LARP4B: variants seen among roughly 807,000 people sequenced by gnomAD.
LARP4B encodes La ribonucleoprotein 4B.
Under a neutral mutation model 89.8 loss-of-function variants are expected in LARP4B, and 12 were observed. That is an observed-to-expected ratio of 0.13 (90% CI 0.09 to 0.22). The LOEUF (loss-of-function observed/expected upper bound fraction) is 0.22. Ranked by LOEUF, LARP4B falls within the 10% of genes least tolerant of loss-of-function variation. The pLI, the probability that LARP4B is intolerant of heterozygous loss-of-function variation, is 1.00. For synonymous variants in LARP4B, 367 were observed against 363.3 expected (o/e 1.01, Z -0.12); for missense variants, 757 against 947.7 (o/e 0.80, Z 2.64).
intron 1 of LARP4B, among the ~76,000 whole-genome samples, chr10:904,129 T>C (rs1352830069): frequency 6.6e-6 from 1 of 152,060 alleles, no homozygotes; most frequent in Non-Finnish European, 1.5e-5. Context: ...CTACGAAAAT[T>C]AAACACAATC....
intron 1 of LARP4B, among the ~76,000 whole-genome samples, chr10:916,543 A>G (rs1225146885): frequency 6.6e-6 from 1 of 152,142 alleles, no homozygotes; most frequent in African/African-American, 2.4e-5. Flanking sequence ...TAAAAATACA[A>G]AACTAGCCAG....
At chr10:919,143 T>A (rs761089912) in intron 1 of LARP4B, among the ~76,000 whole-genome samples, 3 of 152,224 alleles carry the variant, frequency 2.0e-5, no homozygotes, top group Non-Finnish European at 4.4e-5. Flanking sequence ...ATTATTCAAC[T>A]ATTAAATATT....
chr10:906,083 G>T (rs1476658969), intron 1 of LARP4B, among the ~76,000 whole-genome samples: 1 of 152,098 alleles, frequency 6.6e-6, no homozygotes, highest in Non-Finnish European at 1.5e-5. Flanking sequence ...CATTCACACG[G>T]GCCTTTTTCT....
At chr10:807,400 C>T (rs891291366), downstream of LARP4B, 3 of 152,288 alleles carry the variant, frequency 2.0e-5, no homozygotes, top group Non-Finnish European at 2.9e-5. Context: ...AAATCCTGGT[C>T]GTGAATGAAA....
At chr10:972,529 C>T in the LARP4B span, 1 of 457,120 alleles carries the variant, frequency 2.2e-6, no homozygotes, top group Non-Finnish European at 4.4e-6. Flanking sequence ...CAAAGGGGTT[C>T]ATGTCCACTC....
chr10:814,187 A>G lies in LARP4B; in HGVS notation c.1929+555T>C, dbSNP rs919775927. On this transcript the variant is annotated intron_variant, in intron 17 of 17. Transcript: ENST00000316157. The surrounding 1 kb of genome is among the most constrained non-coding windows in gnomAD (Gnocchi z 4.4). ...TTTTAGACTCAGCCCAGGGGACAGT[A>G]AGGGATTAAACTCCCAAATTCAAGG... Among the ~76,000 whole-genome samples, 14 of 152,250 alleles carry G rather than the reference A, an allele frequency of 9.2e-5. No homozygotes were observed. In the East Asian group the frequency reaches 2.7e-3, roughly 29 times the overall value.
chr10:895,300 C>T (rs957017959), intron 1 of LARP4B, among the ~76,000 whole-genome samples: 1 of 151,876 alleles, frequency 6.6e-6, no homozygotes, highest in South Asian at 2.1e-4. Context: ...ACACTTAAGA[C>T]TTCATATGCT....
chr10:814,116 ATTAT>A lies in LARP4B; in HGVS notation c.1929+622_1929+625del, dbSNP rs1266330824. On this transcript the variant is annotated intron_variant, in intron 17 of 17. Coordinates refer to ENST00000316157, the MANE Select transcript of LARP4B (RefSeq NM_015155.3). This position sits in a 1 kb window ranked among gnomAD's most constrained non-coding sequence, Gnocchi z 4.4. ...GCACCTGGCCTCTTTTATTATTATT[ATTAT>A]TTATTATTAAAATTATTAATTTTAA... Among the ~76,000 whole-genome samples, 2 of 151,284 alleles carry A rather than the reference ATTAT, an allele frequency of 1.3e-5. No homozygotes were observed. The highest frequency in any genetic ancestry group is 2.9e-5 in the Non-Finnish European group (2 of 67,854).
chr10:927,114 T>A lies in LARP4B; in HGVS notation c.-40+4314A>T, dbSNP rs538523520. Among the ~76,000 whole-genome samples, 7 of 152,256 alleles carry A rather than the reference T, an allele frequency of 4.6e-5. No homozygotes were observed. In the East Asian group the frequency reaches 1.3e-3, roughly 29 times the overall value. On this transcript the variant is annotated intron_variant, in intron 1 of 17. Coordinates refer to ENST00000316157, the MANE Select transcript of LARP4B (RefSeq NM_015155.3). Reference sequence around the variant, plus strand: ...AATGTACTCCATGGTCTAGGTCTCCTAACCAGGGCAATGGGGTTGATGGGA... The same window carrying A: ...AATGTACTCCATGGTCTAGGTCTCCAAACCAGGGCAATGGGGTTGATGGGA...
chr10:833,283 A>C (rs1022082954), intron 8 of LARP4B, among the ~76,000 whole-genome samples: 19 of 141,484 alleles, frequency 1.3e-4, no homozygotes, highest in Non-Finnish European at 2.8e-4. Context: ...AAAAAAAAAA[A>C]ACCTCAAAAT....
At chr10:863,518 C>T (rs1001954255) in intron 5 of LARP4B, among the ~76,000 whole-genome samples, 6 of 152,142 alleles carry the variant, frequency 3.9e-5, no homozygotes, top group Non-Finnish European at 7.4e-5. Context: ...CGTGAGCCCC[C>T]GCGCCCGGCC....
At chr10:884,270 C>T (rs1835785288) in intron 3 of LARP4B, among the ~76,000 whole-genome samples, 177 bp downstream of exon 3, 1 of 152,178 alleles carries the variant, frequency 6.6e-6, no homozygotes, top group Admixed American at 6.5e-5. Flanking sequence ...AAAGGACATA[C>T]AGTATTGACA....
At chr10:892,028 T>G (rs1308593913) in intron 1 of LARP4B, among the ~76,000 whole-genome samples, 1 of 152,246 alleles carries the variant, frequency 6.6e-6, no homozygotes, top group Non-Finnish European at 1.5e-5. Context: ...CCTCCCGGCA[T>G]GGCCTAAAAG....
At chr10:969,078 T>G in the LARP4B span, among the ~76,000 whole-genome samples, 1 of 152,144 alleles carries the variant, frequency 6.6e-6, no homozygotes, top group East Asian at 1.9e-4. Flanking sequence ...TGAGATAAGG[T>G]AAAACACCAG....
intron 5 of LARP4B, among the ~76,000 whole-genome samples, chr10:857,210 G>C (rs1010394705): frequency 6.6e-6 from 1 of 152,114 alleles, no homozygotes; most frequent in Non-Finnish European, 1.5e-5. Context: ...TTATGAGACA[G>C]GGAATTTAAA....
At chr10:850,881 G>GA (rs971123591) in intron 5 of LARP4B, among the ~76,000 whole-genome samples, 3 of 151,190 alleles carry the variant, frequency 2.0e-5, no homozygotes, top group Non-Finnish European at 4.4e-5. Context: ...ATGAGTCAAA[G>GA]AAAAAAAATC....
chr10:942,437 A>T, the LARP4B span: 1 of 152,176 alleles, frequency 6.6e-6, no homozygotes, highest in Non-Finnish European at 1.5e-5. Flanking sequence ...AAAATAATTT[A>T]TTTTAACCAG....
Position 814,373 on chromosome 10 carries a change from G to A in LARP4B, c.1929+369C>T. Reference sequence around the variant, plus strand: ...GTGGGGCCACCATCTTGCTCTTCCTGTCTCTTCATCAGACACACGATGCGC... The same window carrying A: ...GTGGGGCCACCATCTTGCTCTTCCTATCTCTTCATCAGACACACGATGCGC... On this transcript the variant is annotated intron_variant, in intron 17 of 17. Transcript: ENST00000316157. This position sits in a 1 kb window ranked among gnomAD's most constrained non-coding sequence, Gnocchi z 4.4. 2.9e-6 allele frequency: 1 copy of A among 348,520 alleles called. No homozygotes were observed. The highest frequency in any genetic ancestry group is 5.8e-6 in the Non-Finnish European group (1 of 172,876). The allele number at this position is 348,520 out of a possible 1,614,324, so 21.6% of individuals were successfully genotyped here.
intron 3 of LARP4B, chr10:869,940 TA>T (rs1177707057): frequency 5.6e-6 from 1 of 179,744 alleles, no homozygotes; most frequent in Non-Finnish European, 1.0e-5. Flanking sequence ...ATAATAATAA[TA>T]ATAATAATAA....
Sources: allele counts gnomAD v4.1 joint callset (sites outside exome capture counted in the v4.1 genomes callset), GRCh38; gene constraint gnomAD v4.1.1; non-coding constraint Gnocchi (gnomAD v3.1); transcripts MANE v1.5; gene names NCBI Gene and HGNC (gene_info 2026-07-23, HGNC 2026-07-21).